Variants in KCNN2 observed in about 807,000 individuals in gnomAD.
The protein encoded by KCNN2 is small conductance calcium-activated potassium channel protein 2.
Under a neutral mutation model 55.5 loss-of-function variants are expected in KCNN2, and 24 were observed. The ratio of observed to expected loss-of-function variants is 0.43; its 90% CI spans 0.31 to 0.61. The LOEUF (loss-of-function observed/expected upper bound fraction) is 0.61. KCNN2 is among the 20% of genes least tolerant of loss of function. The pLI, the probability that KCNN2 is intolerant of heterozygous loss-of-function variation, is 0.08. For synonymous variants in KCNN2, 431 were observed against 336.1 expected (o/e 1.28, Z -3.09); for missense variants, 754 against 853.6 (o/e 0.88, Z 1.45).
intron 1 of KCNN2, among the ~76,000 whole-genome samples, chr5:114,121,405 G>A (rs1209229705): frequency 6.6e-6 from 1 of 152,100 alleles, no homozygotes; most frequent in African/African-American, 2.4e-5. Context: ...TATGTACACA[G>A]GATGAGCTCA....
Position 114,344,500 on chromosome 5 carries a change from G to C in KCNN2, c.-184-16445G>C, listed in dbSNP as rs74741519. On this transcript the variant is annotated intron_variant, in intron 2 of 10. Transcript: ENST00000512097. ...ACCTGGGAAGCTCTTTCAAGCTTCA[G>C]TGTCCAGAGTTGTATTGGGGCATCA... Among the ~76,000 whole-genome samples, 194 of 152,320 alleles carry C rather than the reference G, an allele frequency of 1.3e-3. 2 individuals are homozygous for C. The East Asian group carries it at 0.03, about 24-fold the overall frequency.
chr5:114,157,904 C>T, intron 1 of KCNN2, among the ~76,000 whole-genome samples: 1 of 151,074 alleles, frequency 6.6e-6, no homozygotes, highest in Non-Finnish European at 1.5e-5. Context: ...TGGATATTAG[C>T]CCTTTGTCAG....
chr5:114,238,587 C>G (rs181589024), intron 2 of KCNN2, among the ~76,000 whole-genome samples: 55 of 150,706 alleles, frequency 3.6e-4, no homozygotes, highest in Admixed American at 1.1e-3. Flanking sequence ...GATCGCGGCA[C>G]TGCACTCCAG....
chr5:114,383,074 A>C (rs1212023374), intron 2 of KCNN2, among the ~76,000 whole-genome samples: 1 of 152,224 alleles, frequency 6.6e-6, no homozygotes, highest in East Asian at 1.9e-4. Flanking sequence ...GAGCTAAAAA[A>C]GGTGTTTTCT....
chr5:114,218,207 A>T (rs1430339117), intron 1 of KCNN2, among the ~76,000 whole-genome samples: 1 of 152,234 alleles, frequency 6.6e-6, no homozygotes, highest in African/African-American at 2.4e-5. Flanking sequence ...TAGTCTTCCT[A>T]TATTACATAG....
At chr5:114,100,112 A>G (rs1270386211) in intron 1 of KCNN2, among the ~76,000 whole-genome samples, 2 of 152,210 alleles carry the variant, frequency 1.3e-5, no homozygotes, top group African/African-American at 4.8e-5. Context: ...GAAAGGAATG[A>G]GACCTGAGTG....
intron 2 of KCNN2, among the ~76,000 whole-genome samples, chr5:114,365,118 A>G (rs1289875158): frequency 6.6e-6 from 1 of 152,192 alleles, no homozygotes; most frequent in African/African-American, 2.4e-5. Context: ...ATCGTTTTTA[A>G]TGATGCCCAG....
At chr5:114,489,728 G>C (rs1747756793) in intron 6 of KCNN2, among the ~76,000 whole-genome samples, 1 of 152,124 alleles carries the variant, frequency 6.6e-6, no homozygotes, top group South Asian at 2.1e-4. Flanking sequence ...TTGGAAGTTA[G>C]GGAGTGAAGT....
chr5:114,205,776 T>C (rs1054285905), intron 1 of KCNN2, among the ~76,000 whole-genome samples: 16 of 152,340 alleles, frequency 1.1e-4, no homozygotes, highest in Non-Finnish European at 1.8e-4. Flanking sequence ...CTCAGTATTT[T>C]ACTGACTTAA....
intron 3 of KCNN2, among the ~76,000 whole-genome samples, chr5:114,417,751 A>G (rs1759351880): frequency 2.0e-5 from 3 of 152,152 alleles, no homozygotes; most frequent in Admixed American, 1.3e-4. Flanking sequence ...AGGTTAGGAG[A>G]TGAGTTCCCT....
intron 5 of KCNN2, among the ~76,000 whole-genome samples, chr5:114,478,274 A>G: frequency 6.6e-6 from 1 of 152,302 alleles, no homozygotes; most frequent in East Asian, 1.9e-4. Flanking sequence ...GAAAATGAAG[A>G]TCCAAAATAG....
intron 2 of KCNN2, among the ~76,000 whole-genome samples, chr5:114,268,773 C>T (rs1755259102): frequency 6.6e-6 from 1 of 152,180 alleles, no homozygotes; most frequent in African/African-American, 2.4e-5. Context: ...TGAGACAATA[C>T]TGGTTTATTT....
At chr5:114,145,294 A>G (rs1303787218) in intron 1 of KCNN2, among the ~76,000 whole-genome samples, 1 of 152,224 alleles carries the variant, frequency 6.6e-6, no homozygotes, top group Non-Finnish European at 1.5e-5. Context: ...ACAATGGTAT[A>G]GTGAGAAGAA....
intron 2 of KCNN2, among the ~76,000 whole-genome samples, chr5:114,231,447 G>T (rs1201692070): frequency 6.7e-6 from 1 of 148,198 alleles, no homozygotes; most frequent in East Asian, 2.0e-4. Flanking sequence ...AATCCATCTT[G>T]AATTGATTTT....
chr5:114,461,731 A>G (rs1018951041), intron 3 of KCNN2, among the ~76,000 whole-genome samples: 3 of 129,574 alleles, frequency 2.3e-5, no homozygotes, highest in Non-Finnish European at 3.1e-5. Context: ...GAGGGACAGG[A>G]AAAAAAAAAA....
chr5:114,424,076 T>G (rs1759548416), intron 3 of KCNN2, among the ~76,000 whole-genome samples: 1 of 152,220 alleles, frequency 6.6e-6, no homozygotes, highest in African/African-American at 2.4e-5. Context: ...CCCAAATTCT[T>G]TCTTGGTGAT....
At chr5:114,165,868 G>A (rs139859346) in intron 1 of KCNN2, among the ~76,000 whole-genome samples, 1 of 152,046 alleles carries the variant, frequency 6.6e-6, no homozygotes, top group African/African-American at 2.4e-5. Context: ...TTATACATGG[G>A]TTTTTAACTG....
intron 1 of KCNN2, among the ~76,000 whole-genome samples, chr5:114,128,481 A>T (rs1298246141): frequency 6.6e-6 from 1 of 152,160 alleles, no homozygotes; most frequent in Non-Finnish European, 1.5e-5. Flanking sequence ...CTCGCATGAC[A>T]TGTGGGGATT....
intron 1 of KCNN2, among the ~76,000 whole-genome samples, chr5:114,062,712 C>T (rs1430178028): frequency 2.0e-5 from 3 of 152,098 alleles, no homozygotes; most frequent in East Asian, 1.9e-4. Flanking sequence ...CCAATTCATG[C>T]GTTATTATAC....
Sources: allele counts gnomAD v4.1 joint callset (sites outside exome capture counted in the v4.1 genomes callset), GRCh38; gene constraint gnomAD v4.1.1; transcripts MANE v1.5; gene names NCBI Gene and HGNC (gene_info 2026-07-23, HGNC 2026-07-21).